SIGLECL1: variants seen among roughly 807,000 people sequenced by gnomAD.
The protein encoded by SIGLECL1 is SIGLEC family-like protein 1.
In SIGLECL1, 16 loss-of-function variants were observed where a neutral mutation model predicts 19.1. The observed-to-expected ratio is 0.84, with a 90% CI of 0.57 to 1.27. SIGLECL1 has a LOEUF of 1.27. SIGLECL1 is among the 50% of genes most tolerant of loss of function. SIGLECL1 has a pLI of 0.00. For missense variants in SIGLECL1, 210 were observed against 239.4 expected, an observed-to-expected ratio of 0.88 and a Z score of 0.81; for synonymous variants, 89 against 90.4, an observed-to-expected ratio of 0.98 and a Z score of 0.09.
At chr19:51,258,098 T>C (rs1291693567) in intron 1 of SIGLECL1, among the ~76,000 whole-genome samples, 1 of 152,152 alleles carries the variant, frequency 6.6e-6, no homozygotes, top group African/African-American at 2.4e-5. Flanking sequence ...TAATCACGAG[T>C]ATAACAGCTT....
chr19:51,251,779 C>G (rs984634514), intron 1 of SIGLECL1, among the ~76,000 whole-genome samples: 3 of 152,190 alleles, frequency 2.0e-5, no homozygotes, highest in Non-Finnish European at 4.4e-5. Flanking sequence ...GTTAGTTATC[C>G]TGGCTTTCCC....
rs1224117234 is a variant in SIGLECL1 at position 51,253,118 on chromosome 19, C to CA, written c.-191+1582dup. Among the ~76,000 whole-genome samples the CA allele has an allele frequency of 4.1e-5, 6 of 146,884 alleles. No homozygotes were observed. The Middle Eastern group carries it at 0.014, about 338-fold the overall frequency. ...CTCCAGACCCTGTGTTAAAAAAAAA[C>CA]AAAAAAAAAGTGGTTCCAAGTTAAA... On this transcript the variant is annotated intron_variant, in intron 1 of 5. Coordinates refer to ENST00000601727, the MANE Select transcript of SIGLECL1 (RefSeq NM_001385465.1).
intron 1 of SIGLECL1, among the ~76,000 whole-genome samples, chr19:51,262,404 T>G (rs1983301833): frequency 1.3e-5 from 2 of 152,210 alleles, no homozygotes; most frequent in Non-Finnish European, 1.5e-5. Context: ...AATTTTGTGT[T>G]GATTGCATGT....
rs1415693815 is a variant in SIGLECL1, at chr19:51,264,065, T to C, written c.-8T>C. ...TGCTGTTCCTGAGAACTGTTGCTGC[T>C]GGAAGTGATGCTTCCACTGCTACAG... On this transcript the variant is annotated 5_prime_UTR_variant, in exon 2 of 6. Transcript: ENST00000601727. 2 of 1,613,926 alleles carry C rather than the reference T, an allele frequency of 1.2e-6. No homozygotes were observed. Among genetic ancestry groups the C allele is most frequent in the South Asian group, 2.2e-5 (2 of 91,064 alleles).
chr19:51,253,748 A>C (rs573278380), intron 1 of SIGLECL1, among the ~76,000 whole-genome samples: 1 of 152,242 alleles, frequency 6.6e-6, no homozygotes, highest in Non-Finnish European at 1.5e-5. Context: ...TTTAAGGCAA[A>C]ATAGAATCAT....
intron 1 of SIGLECL1, among the ~76,000 whole-genome samples, chr19:51,254,300 G>C (rs536911772): frequency 6.7e-6 from 1 of 149,764 alleles, no homozygotes; most frequent in South Asian, 2.1e-4. Flanking sequence ...CTGCACACCA[G>C]CCAGGGTGAC....
At chr19:51,247,248 T>G (rs909397734), upstream of SIGLECL1, among the ~76,000 whole-genome samples, 1 of 152,050 alleles carries the variant, frequency 6.6e-6, no homozygotes, top group African/African-American at 2.4e-5. Flanking sequence ...AGTCCAGTTT[T>G]GACAACCAAA....
intron 1 of SIGLECL1, among the ~76,000 whole-genome samples, chr19:51,256,388 G>A (rs1262468735): frequency 6.6e-6 from 1 of 152,200 alleles, no homozygotes; most frequent in Non-Finnish European, 1.5e-5. Flanking sequence ...AAACCTGAAA[G>A]ACATTATGCT....
chr19:51,254,383 C>T (rs1237591057), intron 1 of SIGLECL1, among the ~76,000 whole-genome samples: 3 of 150,490 alleles, frequency 2.0e-5, no homozygotes, highest in African/African-American at 7.3e-5. Context: ...TAGAAACAAC[C>T]CAAATGCCAT....
chr19:51,256,491 A>G (rs896132642), intron 1 of SIGLECL1, among the ~76,000 whole-genome samples: 45 of 152,248 alleles, frequency 3.0e-4, no homozygotes, highest in African/African-American at 1.1e-3. Flanking sequence ...AGCAAAGTAT[A>G]GAATGGTGGT....
Position 51,268,483 on chromosome 19 carries a change from G to A in SIGLECL1, c.568-88G>A, listed in dbSNP as rs1341538115. 8 of 1,376,188 alleles carry A rather than the reference G, an allele frequency of 5.8e-6. No homozygotes were observed. In the Admixed American group the frequency reaches 1.2e-4, roughly 20 times the overall value. The allele number at this position is 1,376,188 out of a possible 1,614,324, so 85.2% of individuals were successfully genotyped here. The stretch of plus-strand genomic sequence containing the variant: ...ATGTTGCCTTAATTCTGTGCACAAG[G>A]GGGTGTCTTTTTAAGATTTGGATAC... On this transcript the variant is annotated intron_variant, in intron 5 of 5. Coordinates refer to ENST00000601727, the MANE Select transcript of SIGLECL1 (RefSeq NM_001385465.1).
chr19:51,262,390 T>C (rs1421323936), intron 1 of SIGLECL1, among the ~76,000 whole-genome samples: 1 of 152,204 alleles, frequency 6.6e-6, no homozygotes, highest in African/African-American at 2.4e-5. Context: ...TACCAAATCT[T>C]AACAATTTTG....
chr19:51,268,011 T>C (rs16982604), intron 5 of SIGLECL1, among the ~76,000 whole-genome samples: 17,329 of 152,216 alleles, frequency 0.11, 1,887 homozygotes, highest in Admixed American at 0.28. Context: ...GAGGTTGCTA[T>C]GCCTCACTGT....
At chr19:51,256,682 T>C (rs273619) in intron 1 of SIGLECL1, among the ~76,000 whole-genome samples, 100,285 of 152,072 alleles carry the variant, frequency 0.66, 34,508 homozygotes, top group African/African-American at 0.85. Context: ...ACCAAAAAAA[T>C]GGTAACTGTG....
chr19:51,259,325 T>C (rs1983040911), intron 1 of SIGLECL1, among the ~76,000 whole-genome samples: 1 of 152,362 alleles, frequency 6.6e-6, no homozygotes, highest in South Asian at 2.1e-4. Flanking sequence ...TGTGTCCAAC[T>C]ATGGAAGAGT....
chr19:51,248,942 T>C (rs1375530915), upstream of SIGLECL1, among the ~76,000 whole-genome samples: 1 of 152,180 alleles, frequency 6.6e-6, no homozygotes, highest in Non-Finnish European at 1.5e-5. Context: ...ACAAAGGCCT[T>C]GGAGCCATCT....
chr19:51,257,131 G>A (rs921234011), intron 1 of SIGLECL1, among the ~76,000 whole-genome samples: 1 of 152,112 alleles, frequency 6.6e-6, no homozygotes, highest in African/African-American at 2.4e-5. Context: ...CACTGGCTGG[G>A]CACGGTAGCT....
chr19:51,265,269 C>T (rs1167783392), intron 2 of SIGLECL1, 99 bp from the exon 3 acceptor site: 2 of 1,352,218 alleles, frequency 1.5e-6, no homozygotes, highest in African/African-American at 2.9e-5. Flanking sequence ...CCTTCTGAAG[C>T]TCCTTGTGAA....
chr19:51,257,435 A>G (rs796236540), intron 1 of SIGLECL1, among the ~76,000 whole-genome samples: 2 of 151,880 alleles, frequency 1.3e-5, no homozygotes, highest in African/African-American at 4.8e-5. Context: ...AAAAGAAAAG[A>G]AAGAAAACAC....
Sources: gnomAD v4.1 joint callset for allele counts (sites outside exome capture counted in the v4.1 genomes callset) on GRCh38, gnomAD v4.1.1 for gene constraint, MANE v1.5 for transcripts, NCBI Gene and HGNC (gene_info 2026-07-23, HGNC 2026-07-21) for gene names.